The following PALM2AKAP2 variants were observed in gnomAD, a reference collection of about 807,000 sequenced individuals.
PALM2AKAP2 encodes the protein PALM2-AKAP2 fusion protein.
In PALM2AKAP2, 37 loss-of-function variants were observed where a neutral mutation model predicts 71.5. That is an observed-to-expected ratio of 0.52 (90% confidence interval 0.40 to 0.68). PALM2AKAP2 has a LOEUF of 0.68. Ranked by LOEUF, PALM2AKAP2 falls within the 30% of genes least tolerant of loss-of-function variation. The probability of loss-of-function intolerance (pLI) is 0.00; values close to 1 mark genes in which losing one functional copy is unlikely to be tolerated. For synonymous variants in PALM2AKAP2, 468 were observed against 478.8 expected, an observed-to-expected ratio of 0.98 and a Z score of 0.29; for missense variants, 1,224 against 1,191.8, an observed-to-expected ratio of 1.03 and a Z score of -0.40.
intron 1 of PALM2AKAP2, among the ~76,000 whole-genome samples, chr9:109,811,533 GTAA>G (rs2098513854): frequency 6.6e-6 from 1 of 152,056 alleles, no homozygotes; most frequent in Non-Finnish European, 1.5e-5. Context: ...CTATATAATA[GTAA>G]TAATTATCTG....
At chr9:109,655,876 G>A (rs993940764) in intron 1 of PALM2AKAP2, among the ~76,000 whole-genome samples, 4 of 152,148 alleles carry the variant, frequency 2.6e-5, no homozygotes, top group African/African-American at 9.7e-5. Flanking sequence ...TGGGTATCAT[G>A]AATAGTGCTG....
At chr9:109,728,745 G>T (rs1280895423) in intron 1 of PALM2AKAP2, among the ~76,000 whole-genome samples, 2 of 151,930 alleles carry the variant, frequency 1.3e-5, no homozygotes, top group African/African-American at 4.8e-5. Flanking sequence ...TTTTTATTGT[G>T]GTTGAATTTA....
chr9:109,888,338 C>T (rs1184239335), intron 3 of PALM2AKAP2, among the ~76,000 whole-genome samples: 1 of 152,052 alleles, frequency 6.6e-6, no homozygotes, highest in Non-Finnish European at 1.5e-5. Flanking sequence ...AAAACTATAC[C>T]CACCTTGCAG....
chr9:109,861,621 C>G (rs1488896126), intron 1 of PALM2AKAP2, among the ~76,000 whole-genome samples: 1 of 152,212 alleles, frequency 6.6e-6, no homozygotes, highest in East Asian at 1.9e-4. Flanking sequence ...TTGAGGCACA[C>G]TGCCCCGAAT....
intron 7 of PALM2AKAP2, among the ~76,000 whole-genome samples, chr9:110,035,159 A>T (rs1393019641): frequency 6.7e-6 from 1 of 148,614 alleles, no homozygotes; most frequent in Non-Finnish European, 1.5e-5. Flanking sequence ...AAATTTAAGA[A>T]ATACTTTACC....
At chr9:109,896,690 C>T (rs749052499) in intron 3 of PALM2AKAP2, among the ~76,000 whole-genome samples, 10 of 151,780 alleles carry the variant, frequency 6.6e-5, no homozygotes, top group Admixed American at 2.0e-4. Flanking sequence ...ACATGCCTGT[C>T]GTCCCAGCTA....
At chr9:109,729,402 C>T (rs965020714) in intron 1 of PALM2AKAP2, among the ~76,000 whole-genome samples, 1 of 152,156 alleles carries the variant, frequency 6.6e-6, no homozygotes, top group African/African-American at 2.4e-5. Context: ...GCCAGTATAG[C>T]CAAAGGCATC....
intron 1 of PALM2AKAP2, among the ~76,000 whole-genome samples, chr9:110,057,628 T>C (rs1833875200): frequency 6.6e-6 from 1 of 152,042 alleles, no homozygotes; most frequent in Non-Finnish European, 1.5e-5. Flanking sequence ...TCCGCCTGCC[T>C]CGGCCTCCCA....
chr9:109,774,319 C>T (rs1829318337), intron 1 of PALM2AKAP2, among the ~76,000 whole-genome samples: 1 of 152,202 alleles, frequency 6.6e-6, no homozygotes, highest in Non-Finnish European at 1.5e-5. Flanking sequence ...TAGTTTGTAG[C>T]TAATTCATAG....
At chr9:109,814,530 C>T (rs59844918) in intron 1 of PALM2AKAP2, among the ~76,000 whole-genome samples, 12,500 of 152,222 alleles carry the variant, frequency 0.082, 961 homozygotes, top group African/African-American at 0.21. Flanking sequence ...CATTCATTCT[C>T]CTGATTCACT....
chr9:109,982,322 A>G (rs965593562), intron 6 of PALM2AKAP2, among the ~76,000 whole-genome samples: 19 of 152,244 alleles, frequency 1.2e-4, no homozygotes, highest in African/African-American at 4.3e-4. Flanking sequence ...GGGGAGGGGG[A>G]AGTGGGTATG....
intron 1 of PALM2AKAP2, among the ~76,000 whole-genome samples, chr9:110,088,901 G>A (rs1224216109): frequency 4.6e-5 from 7 of 151,812 alleles, no homozygotes; most frequent in Non-Finnish European, 7.4e-5. Context: ...TGTATTTTTA[G>A]TAGAGCTAGG....
intron 3 of PALM2AKAP2, among the ~76,000 whole-genome samples, chr9:109,883,003 A>G (rs1413293964): frequency 6.6e-6 from 1 of 152,082 alleles, no homozygotes; most frequent in East Asian, 1.9e-4. Context: ...TCAAATTGGC[A>G]GTTTAACCTT....
At chr9:109,805,189 C>G (rs1011438921) in intron 1 of PALM2AKAP2, among the ~76,000 whole-genome samples, 1 of 152,078 alleles carries the variant, frequency 6.6e-6, no homozygotes, top group African/African-American at 2.4e-5. Flanking sequence ...TCATTGAGAC[C>G]ATCAGAGAAC....
At chr9:109,691,950 A>C (rs1827903462) in intron 1 of PALM2AKAP2, among the ~76,000 whole-genome samples, 1 of 139,382 alleles carries the variant, frequency 7.2e-6, no homozygotes, top group Non-Finnish European at 1.5e-5. Flanking sequence ...ACACATATAT[A>C]TATATACATA....
intron 1 of PALM2AKAP2, among the ~76,000 whole-genome samples, chr9:109,822,268 TATCCATCC>T (rs10571516): frequency 0.022 from 3,287 of 150,272 alleles, 65 homozygotes; most frequent in Non-Finnish European, 0.027. Context: ...CCCATCCATC[TATCCATCC>T]ATCCATCCAT....
At chr9:109,942,022 C>T (rs951126308) in intron 6 of PALM2AKAP2, among the ~76,000 whole-genome samples, 4 of 152,244 alleles carry the variant, frequency 2.6e-5, no homozygotes, top group Admixed American at 6.5e-5. Flanking sequence ...AGGCCTTCTG[C>T]GATCATTGTC....
chr9:109,861,239 C>G (rs1829299991), intron 1 of PALM2AKAP2, among the ~76,000 whole-genome samples: 1 of 152,230 alleles, frequency 6.6e-6, no homozygotes, highest in Admixed American at 6.5e-5. Context: ...TCCACAGCCA[C>G]AGCCTGGCAT....
intron 1 of PALM2AKAP2, among the ~76,000 whole-genome samples, chr9:109,683,158 T>C (rs1827761249): frequency 6.6e-6 from 1 of 152,210 alleles, no homozygotes; most frequent in Non-Finnish European, 1.5e-5. Flanking sequence ...GTAAGTTTCC[T>C]GAGGCCTCCC....
Sources: allele counts gnomAD v4.1 joint callset (sites outside exome capture counted in the v4.1 genomes callset), GRCh38; gene constraint gnomAD v4.1.1; transcripts MANE v1.5; gene names NCBI Gene and HGNC (gene_info 2026-07-23, HGNC 2026-07-21).